Variants in ITPRID1 observed in about 807,000 individuals in gnomAD.
ITPRID1 encodes ITPR interacting domain containing 1.
A neutral mutation model predicts 95.4 loss-of-function variants in ITPRID1; 96 were observed. The ratio of observed to expected loss-of-function variants is 1.01; its 90% confidence interval spans 0.85 to 1.19. ITPRID1 has a LOEUF of 1.19. ITPRID1 is among the 50% of genes most tolerant of loss of function. The probability of loss-of-function intolerance (pLI) is 0.00; values close to 1 mark genes in which losing one functional copy is unlikely to be tolerated. For missense variants in ITPRID1, 1,339 were observed against 1,252.9 expected (o/e 1.07, Z -1.04); for synonymous variants, 510 against 453.6 (o/e 1.12, Z -1.58).
At chr7:31,628,457 T>C (rs1788680064) in intron 10 of ITPRID1, among the ~76,000 whole-genome samples, 1 of 147,398 alleles carries the variant, frequency 6.8e-6, no homozygotes, top group Non-Finnish European at 1.5e-5. Context: ...CCTTTTTTTT[T>C]TTTCTTTTTT....
chr7:31,530,544 G>A (rs1484992652), intron 1 of ITPRID1, among the ~76,000 whole-genome samples: 2 of 152,062 alleles, frequency 1.3e-5, no homozygotes, highest in African/African-American at 4.8e-5. Context: ...GCCCATAAAT[G>A]TATTTTTTGA....
chr7:31,569,685 C>T, intron 5 of ITPRID1, 73 bp from the exon 6 acceptor site: 1 of 1,338,822 alleles, frequency 7.5e-7, no homozygotes, highest in Non-Finnish European at 1.0e-6. Flanking sequence ...ACCTTGGTTT[C>T]ATTTGGGGTT....
intron 10 of ITPRID1, among the ~76,000 whole-genome samples, chr7:31,626,303 A>G (rs893287514): frequency 2.0e-5 from 3 of 152,222 alleles, no homozygotes; most frequent in Non-Finnish European, 4.4e-5. Flanking sequence ...CCAACTGCAT[A>G]ACTCCTTTTG....
intron 1 of ITPRID1, chr7:31,517,394 C>T (rs1219058695): frequency 6.6e-6 from 1 of 152,512 alleles, no homozygotes; most frequent in Non-Finnish European, 1.5e-5. Flanking sequence ...GGCTTCACCT[C>T]TCACCAACAG....
chr7:31,620,057 G>A (rs1241310032), intron 10 of ITPRID1, among the ~76,000 whole-genome samples: 2 of 152,142 alleles, frequency 1.3e-5, no homozygotes, highest in African/African-American at 4.8e-5. Flanking sequence ...GCTGGGGGAG[G>A]GGTGCCCGCC....
chr7:31,648,934 A>G lies in ITPRID1; in HGVS notation c.2584-2208A>G, dbSNP rs1381485921. Among the ~76,000 whole-genome samples, 3 of 152,248 alleles carry G rather than the reference A, an allele frequency of 2.0e-5. No homozygotes were observed. In the East Asian group the frequency reaches 5.8e-4, roughly 29 times the overall value. On this transcript the variant is annotated intron_variant, in intron 12 of 14. Transcript: ENST00000615280. ...AAGTTAACTAGCCATTCTATGTCAG[A>G]ACACGTATCTATAACAGATGCCCTT...
chr7:31,540,445 T>C (rs1310563854), intron 1 of ITPRID1, among the ~76,000 whole-genome samples: 2 of 152,164 alleles, frequency 1.3e-5, no homozygotes, highest in Admixed American at 6.6e-5. Flanking sequence ...ATTTAAGCTG[T>C]AAAAAATAAT....
intron 12 of ITPRID1, 125 bp from the exon 13 acceptor site, chr7:31,651,017 T>C (rs1790895597): frequency 2.0e-6 from 2 of 997,874 alleles, no homozygotes; most frequent in Non-Finnish European, 2.9e-6. Context: ...CCCTCCCCCT[T>C]ATATTAGCAG....
At chr7:31,650,573 C>T (rs1464704025) in intron 12 of ITPRID1, among the ~76,000 whole-genome samples, 1 of 152,144 alleles carries the variant, frequency 6.6e-6, no homozygotes, top group Non-Finnish European at 1.5e-5. Flanking sequence ...GATGCCTAAC[C>T]TTTGCCTGCC....
chr7:31,632,521 T>G, intron 10 of ITPRID1, among the ~76,000 whole-genome samples: 1 of 152,164 alleles, frequency 6.6e-6, no homozygotes, highest in East Asian at 1.9e-4. Flanking sequence ...TAGATCAAAT[T>G]TCACAAGGAT....
At chr7:31,620,475 C>A (rs1364395375) in intron 10 of ITPRID1, among the ~76,000 whole-genome samples, 8 of 151,352 alleles carry the variant, frequency 5.3e-5, no homozygotes, top group Non-Finnish European at 1.0e-4. Flanking sequence ...TCTGCAGACA[C>A]CACTGCTGAT....
At chr7:31,619,530 A>T (rs964033999) in intron 10 of ITPRID1, among the ~76,000 whole-genome samples, 1 of 91,198 alleles carries the variant, frequency 1.1e-5, no homozygotes, top group African/African-American at 3.8e-5. Flanking sequence ...TTTATTTTCA[A>T]TCTCCAAAAT....
At chr7:31,600,641 A>G (rs1317547258) in intron 10 of ITPRID1, among the ~76,000 whole-genome samples, 2 of 152,224 alleles carry the variant, frequency 1.3e-5, no homozygotes, top group African/African-American at 4.8e-5. Flanking sequence ...CCTTGGGGTG[A>G]GCTGCCTGCA....
chr7:31,554,244 C>CT (rs927792866), intron 3 of ITPRID1, among the ~76,000 whole-genome samples: 8 of 151,346 alleles, frequency 5.3e-5, no homozygotes, highest in East Asian at 1.9e-4. Context: ...CATTTTCTTT[C>CT]TTTTTTTTTA....
chr7:31,632,343 G>C (rs1433746497), intron 10 of ITPRID1, among the ~76,000 whole-genome samples: 2 of 152,162 alleles, frequency 1.3e-5, no homozygotes, highest in Non-Finnish European at 2.9e-5. Flanking sequence ...AGCTACTTGA[G>C]AGGCTGAAAC....
intron 10 of ITPRID1, among the ~76,000 whole-genome samples, chr7:31,613,607 TAGGAAGACAAATCAGAA>T (rs914767012): frequency 2.0e-5 from 3 of 152,212 alleles, no homozygotes; most frequent in African/African-American, 7.2e-5. Flanking sequence ...GAATATCAGG[TAGGAAGACAAATCAGAA>T]AGAAAGACAT....
chr7:31,539,273 C>A (rs778405009), intron 1 of ITPRID1, among the ~76,000 whole-genome samples: 1 of 152,154 alleles, frequency 6.6e-6, no homozygotes, highest in Non-Finnish European at 1.5e-5. Context: ...CAGCCTCAAC[C>A]TTCCAGGCTC....
intron 5 of ITPRID1, chr7:31,555,274 T>G (rs1784410333): frequency 1.2e-5 from 2 of 161,888 alleles, no homozygotes; most frequent in Admixed American, 6.2e-5. Flanking sequence ...TTCTTTGGTC[T>G]CAAAATTGCA....
intron 2 of ITPRID1, among the ~76,000 whole-genome samples, chr7:31,551,370 C>G (rs1037531101): frequency 1.4e-5 from 2 of 143,720 alleles, no homozygotes; most frequent in Non-Finnish European, 3.1e-5. Flanking sequence ...GTATACCAAA[C>G]AATTCTCCAA....
Sources: allele counts gnomAD v4.1 joint callset (sites outside exome capture counted in the v4.1 genomes callset), GRCh38; gene constraint gnomAD v4.1.1; transcripts MANE v1.5; gene names NCBI Gene and HGNC (gene_info 2026-07-23, HGNC 2026-07-21).